The following CD200R1 variants were observed in gnomAD, a reference collection of about 807,000 sequenced individuals.
The protein encoded by CD200R1 is cell surface glycoprotein CD200 receptor 1.
A neutral mutation model predicts 38.1 loss-of-function variants in CD200R1; 30 were observed. The observed-to-expected ratio is 0.79, with a 90% CI of 0.59 to 1.07. CD200R1 has a LOEUF of 1.07. Ranked by LOEUF, CD200R1 falls within the 50% of genes least tolerant of loss-of-function variation. The pLI is 0.00. For missense variants in CD200R1, 372 were observed against 415.4 expected (o/e 0.90, Z 0.91); for synonymous variants, 128 against 152.1 (o/e 0.84, Z 1.16).
At chr3:112,962,850 A>G (rs1226591243) in intron 1 of CD200R1, among the ~76,000 whole-genome samples, 1 of 152,186 alleles carries the variant, frequency 6.6e-6, no homozygotes, top group Non-Finnish European at 1.5e-5. Flanking sequence ...ACAGTGAAGA[A>G]AAGTAGGATA....
In CD200R1 at chr3:112,972,790, C is replaced by A. The variant is rs180740087; in HGVS notation, c.67+2001G>T. Reference sequence around the variant, plus strand: ...ATGTTTTACATTTAAGTCATTAGCTCCCTTGTTCCTTTGTGAATTTACCTT... The same window carrying A: ...ATGTTTTACATTTAAGTCATTAGCTACCTTGTTCCTTTGTGAATTTACCTT... On this transcript the variant is annotated intron_variant, in intron 1 of 7. Coordinates refer to ENST00000308611, the MANE Select transcript of CD200R1 (RefSeq NM_138806.4). Among the ~76,000 whole-genome samples, 39 of 152,304 alleles carry A rather than the reference C, an allele frequency of 2.6e-4. 1 individual carries two copies. The East Asian group carries it at 6.6e-3, about 26-fold the overall frequency.
Position 112,925,172 on chromosome 3 carries a change from G to A in CD200R1, c.791C>T (p.Ala264Val), listed in dbSNP as rs1280406841. The A allele has an allele frequency of 6.3e-7, 1 of 1,598,778 alleles. No individual in the cohort carries two copies. Among genetic ancestry groups the A allele is most frequent in the Admixed American group, 1.7e-5 (1 of 59,274 alleles). Residue 264 changes from alanine (A) to valine (V), a missense_variant, in exon 6 of 8, where the codon GCA becomes GTA. Ala to Val is a moderately conservative substitution (Grantham distance 64). Transcript: ENST00000308611. ...GATGATATATGGAATATATAATTTT[G>A]CTGATTTTTTGGCACCTGGAACTAT... ...LLPVPGAKKS[A>V]KLYIPYIILT...
At chr3:112,931,996 T>C (rs145276022) in intron 2 of CD200R1, among the ~76,000 whole-genome samples, 145 of 152,178 alleles carry the variant, frequency 9.5e-4, no homozygotes, top group African/African-American at 3.3e-3. Flanking sequence ...CCAGCCCCTA[T>C]AGCTACTGAA....
chr3:112,927,618 C>CTAAAAT (rs1363280320), intron 5 of CD200R1, among the ~76,000 whole-genome samples: 1 of 152,046 alleles, frequency 6.6e-6, no homozygotes, highest in Admixed American at 6.6e-5. Context: ...TAAATAGACA[C>CTAAAAT]AGGCTAAGTA....
At chr3:112,929,641 T>A in intron 3 of CD200R1, 134 bp from the exon 4 acceptor site, 1 of 772,820 alleles carries the variant, frequency 1.3e-6, no homozygotes, top group Non-Finnish European at 1.9e-6. Context: ...TAGACCTTCA[T>A]AAAAAATTAA....
intron 1 of CD200R1, among the ~76,000 whole-genome samples, chr3:112,973,969 T>C (rs1933371977): frequency 6.6e-6 from 1 of 152,120 alleles, no homozygotes; most frequent in Admixed American, 6.5e-5. Context: ...AGCCCACACA[T>C]CTTGAAGATA....
chr3:112,932,483 C>T (rs1479984733), intron 2 of CD200R1, among the ~76,000 whole-genome samples: 3 of 151,834 alleles, frequency 2.0e-5, no homozygotes, highest in African/African-American at 4.8e-5. Flanking sequence ...TGCATCCTCA[C>T]CCAGGGCCTG....
chr3:112,974,658 A>C (rs1933396911), intron 1 of CD200R1, 133 bp downstream of exon 1: 6 of 670,582 alleles, frequency 8.9e-6, no homozygotes, highest in Non-Finnish European at 1.1e-5. Flanking sequence ...TATGGGAGTA[A>C]CCCATATTTA....
chr3:112,921,584 A>G lies in CD200R1; in HGVS notation c.*2093T>C, dbSNP rs537017098. The G allele has an allele frequency of 7.9e-5, 12 of 152,172 alleles. No individual in the cohort carries two copies. Among genetic ancestry groups the G allele is most frequent in the African/African-American group, 2.9e-4 (12 of 41,550 alleles). The allele number at this position is 152,172 out of a possible 1,614,324, so 9.4% of individuals were successfully genotyped here. ...TAAAATGTAATCGACTATGTAAGTA[A>G]TCACACCTAACTCCGTCTCAGCCTC... On this transcript the variant is annotated 3_prime_UTR_variant, in exon 8 of 8. Transcript: ENST00000308611.
At chr3:112,933,702 A>G (rs1328285194) in intron 2 of CD200R1, among the ~76,000 whole-genome samples, 1 of 152,214 alleles carries the variant, frequency 6.6e-6, no homozygotes, top group Non-Finnish European at 1.5e-5. Context: ...AGGAAACTCA[A>G]TGAGATAAAA....
chr3:112,936,375 C>T (rs980602528), intron 2 of CD200R1, among the ~76,000 whole-genome samples: 3 of 152,182 alleles, frequency 2.0e-5, no homozygotes, highest in Non-Finnish European at 4.4e-5. Context: ...TGATGAATCA[C>T]CACATTGTCT....
chr3:112,970,043 TG>T (rs888174154), intron 1 of CD200R1, among the ~76,000 whole-genome samples: 11 of 150,548 alleles, frequency 7.3e-5, no homozygotes, highest in African/African-American at 2.4e-4. Context: ...CCTGGCGTGG[TG>T]GTGCACACCT....
At chr3:112,972,406 A>G (rs1295406114) in intron 1 of CD200R1, among the ~76,000 whole-genome samples, 1 of 152,204 alleles carries the variant, frequency 6.6e-6, no homozygotes, top group African/African-American at 2.4e-5. Context: ...ATTAGCCCAA[A>G]GAAGGAAAGA....
Position 112,925,095 on chromosome 3 carries a change from T to C in CD200R1, c.868A>G (p.Asn290Asp), listed in dbSNP as rs1224489509. Residue 290 changes from asparagine (N) to aspartate (D), a missense_variant, in exon 6 of 8, where the codon AAT becomes GAT. Transcript: ENST00000308611. ...TTCATTAGTCAATACCTGCAGCCAT[T>C]GACTTTCAACAACCAAATGAATCCC... ...IVGFIWLLKV[N>D]GCRKYKLNKT... The C allele has an allele frequency of 1.3e-6, 2 of 1,572,354 alleles. No homozygotes were observed. The highest frequency in any genetic ancestry group is 1.7e-6 in the Non-Finnish European group (2 of 1,143,214).
chr3:112,974,847 G>C lies in CD200R1; in HGVS notation c.11C>G (p.Pro4Arg). Residue 4 changes from proline to arginine, a missense_variant, in exon 1 of 8, where the codon CCT becomes CGT. Pro to Arg is a moderately radical substitution (Grantham distance 103). Coordinates refer to ENST00000308611, the MANE Select transcript of CD200R1 (RefSeq NM_138806.4). ...TAGCCCTAGGTTAGCAGTTCTCCAA[G>C]GGCAGAGCATTTCTGTTTTCTCTTT... MLC[P>R]WRTANLGLLL... 1 of 1,613,250 alleles carries C rather than the reference G, an allele frequency of 6.2e-7. No homozygotes were observed. The highest frequency in any genetic ancestry group is 8.5e-7 in the Non-Finnish European group (1 of 1,179,414).
intron 2 of CD200R1, among the ~76,000 whole-genome samples, chr3:112,937,131 G>A (rs1417645372): frequency 1.3e-5 from 2 of 152,170 alleles, no homozygotes; most frequent in Non-Finnish European, 2.9e-5. Context: ...AATCACGACA[G>A]AAGGGGAAGC....
chr3:112,950,008 A>C (rs1325662601), intron 1 of CD200R1, among the ~76,000 whole-genome samples: 1 of 152,224 alleles, frequency 6.6e-6, no homozygotes, highest in Non-Finnish European at 1.5e-5. Context: ...TGGAAAAAGA[A>C]GTAAAAATAT....
intron 1 of CD200R1, among the ~76,000 whole-genome samples, chr3:112,965,397 G>T (rs1405368058): frequency 1.3e-5 from 2 of 152,130 alleles, no homozygotes; most frequent in Non-Finnish European, 2.9e-5. Flanking sequence ...AAATGAGACT[G>T]GTTTCATCCT....
rs576695860 is a variant in CD200R1, at chr3:112,959,846, G to A, written c.68-11922C>T. 4.5e-4 allele frequency among the ~76,000 whole-genome samples: 69 copies of A among 151,990 alleles called. 1 individual carries two copies. The highest frequency in any genetic ancestry group is 4.1e-3 in the Admixed American group (63 of 15,254). On this transcript the variant is annotated intron_variant, in intron 1 of 7. Transcript: ENST00000308611. ...ATTAAGCATTAAACAATTTCTAATGGCTTGAAAATATGACTTTTACTTCTT... is the reference window on the plus strand; with the variant it reads ...ATTAAGCATTAAACAATTTCTAATGACTTGAAAATATGACTTTTACTTCTT...
Sources: allele counts gnomAD v4.1 joint callset (sites outside exome capture counted in the v4.1 genomes callset), GRCh38; gene constraint gnomAD v4.1.1; transcripts MANE v1.5; gene names NCBI Gene and HGNC (gene_info 2026-07-23, HGNC 2026-07-21).